DENND2B: variants seen among roughly 807,000 people sequenced by gnomAD.
The protein encoded by DENND2B is DENN domain containing 2B.
A neutral mutation model predicts 116.0 loss-of-function variants in DENND2B; 32 were observed. The observed-to-expected ratio is 0.28, with a 90% confidence interval of 0.21 to 0.37. DENND2B has a LOEUF of 0.37. Ranked by LOEUF, DENND2B falls within the 10% of genes least tolerant of loss-of-function variation. The pLI is 1.00. For missense variants in DENND2B, 1,276 were observed against 1,477.7 expected, an observed-to-expected ratio of 0.86 and a Z score of 2.24; for synonymous variants, 588 against 583.9, an observed-to-expected ratio of 1.01 and a Z score of -0.10.
intron 3 of DENND2B, among the ~76,000 whole-genome samples, chr11:8,843,900 C>T (rs543513217): frequency 6.6e-6 from 1 of 152,340 alleles, no homozygotes; most frequent in African/African-American, 2.4e-5. Context: ...TTTCTCTGGC[C>T]ATGGGCTTCC....
intron 1 of DENND2B, among the ~76,000 whole-genome samples, chr11:8,800,276 A>C (rs1413300358): frequency 6.6e-6 from 1 of 151,986 alleles, no homozygotes; most frequent in Non-Finnish European, 1.5e-5. Flanking sequence ...TCTTTTAATT[A>C]CTCCATCAGA....
chr11:8,744,493 C>A (rs1380060555), intron 2 of DENND2B, among the ~76,000 whole-genome samples: 2 of 152,060 alleles, frequency 1.3e-5, no homozygotes, highest in Non-Finnish European at 2.9e-5. Context: ...AGAGATAGTA[C>A]AAAATGAAGA....
chr11:8,772,483 C>T (rs1270470978), intron 1 of DENND2B, among the ~76,000 whole-genome samples: 4 of 151,972 alleles, frequency 2.6e-5, no homozygotes, highest in African/African-American at 9.7e-5. Context: ...TTGTAAGAAA[C>T]CCCAGTTGGT....
At chr11:8,775,939 T>A (rs1326690364) in intron 1 of DENND2B, among the ~76,000 whole-genome samples, 1 of 152,054 alleles carries the variant, frequency 6.6e-6, no homozygotes, top group African/African-American at 2.4e-5. Context: ...AGACTAAGCA[T>A]CCTGGAATGT....
At chr11:8,734,806 A>AG (rs910123700) in intron 2 of DENND2B, among the ~76,000 whole-genome samples, 2 of 151,586 alleles carry the variant, frequency 1.3e-5, no homozygotes, top group Non-Finnish European at 2.9e-5. Flanking sequence ...AAAAAAAAAA[A>AG]AAAAAGAAAG....
chr11:8,728,020 TGA>T (rs1377431553), intron 3 of DENND2B, among the ~76,000 whole-genome samples: 11 of 148,486 alleles, frequency 7.4e-5, no homozygotes, highest in Non-Finnish European at 1.3e-4. Flanking sequence ...CAAATTTTTT[TGA>T]GAGACAAGGT....
intron 2 of DENND2B, among the ~76,000 whole-genome samples, chr11:8,866,762 C>T (rs1441996223): frequency 3.9e-5 from 6 of 152,048 alleles, no homozygotes; most frequent in African/African-American, 1.4e-4. Context: ...AACTTTAACC[C>T]AGGTTTTTGT....
chr11:8,764,994 C>G (rs2055411236), intron 1 of DENND2B, among the ~76,000 whole-genome samples: 1 of 151,214 alleles, frequency 6.6e-6, no homozygotes, highest in Non-Finnish European at 1.5e-5. Flanking sequence ...AGCAGAAGGT[C>G]CAACGCCTGG....
At chr11:8,785,137 C>T (rs1204965381) in intron 1 of DENND2B, 2 of 152,138 alleles carry the variant, frequency 1.3e-5, no homozygotes, top group African/African-American at 4.8e-5. Context: ...TTAAGCCATC[C>T]TTTTACTTTT....
Position 8,745,751 on chromosome 11 carries a change from A to G in DENND2B, c.80+4870T>C, listed in dbSNP as rs544724657. ...TGGGATTCTTACTCTTGGAACCCAG[A>G]TATCATGCTATGAAGGCATGCTGCC... On this transcript the variant is annotated intron_variant, in intron 2 of 19. Transcript: ENST00000313726. 2.0e-5 allele frequency among the ~76,000 whole-genome samples: 3 copies of G among 152,354 alleles called. No individual in the cohort carries two copies. The South Asian group carries it at 6.2e-4, about 32-fold the overall frequency.
chr11:8,836,890 A>G (rs947268761), intron 4 of DENND2B, among the ~76,000 whole-genome samples: 7 of 152,004 alleles, frequency 4.6e-5, no homozygotes, highest in Non-Finnish European at 1.0e-4. Flanking sequence ...TAATTTTCGT[A>G]TTTCTTATAG....
intron 3 of DENND2B, among the ~76,000 whole-genome samples, chr11:8,856,839 G>A (rs547417845): frequency 1.3e-5 from 2 of 150,648 alleles, no homozygotes; most frequent in Admixed American, 1.3e-4. Flanking sequence ...CTGCAGCCTT[G>A]AACTCCTGGT....
intron 1 of DENND2B, among the ~76,000 whole-genome samples, chr11:8,764,196 G>C (rs929003261): frequency 6.6e-6 from 1 of 151,220 alleles, no homozygotes; most frequent in African/African-American, 2.4e-5. Flanking sequence ...CTCCAGCCTG[G>C]GCAATAGAGC....
Position 8,717,890 on chromosome 11 carries a change from C to G in DENND2B, c.1480G>C (p.Asp494His), listed in dbSNP as rs923936161. The G allele has an allele frequency of 1.2e-6, 2 of 1,608,242 alleles. No individual in the cohort carries two copies. Among genetic ancestry groups the G allele is most frequent in the African/African-American group, 2.7e-5 (2 of 74,610 alleles). The change falls in exon 5 of 20, where the codon GAT (aspartate) becomes CAT (histidine). Residue 494 changes from aspartate to histidine, a missense_variant and splice_region_variant. Asp to His is a moderately conservative substitution (Grantham distance 81). Coordinates refer to ENST00000313726, the MANE Select transcript of DENND2B (RefSeq NM_213618.2). ...TCATATGGATTCTCCTTGGGCAGAT[C>G]TCCTGCAGAGGAGGAAGAGTTAGAG... ...EENAYEDIVGDLPKENPYEDV... is the reference protein window; with the variant it reads ...EENAYEDIVGHLPKENPYEDV...
intron 3 of DENND2B, among the ~76,000 whole-genome samples, chr11:8,729,035 C>T (rs1490830551): frequency 2.6e-5 from 4 of 152,320 alleles, no homozygotes; most frequent in South Asian, 4.1e-4. Flanking sequence ...TTTGAAATTT[C>T]TTCCTTTCTG....
intron 4 of DENND2B, among the ~76,000 whole-genome samples, chr11:8,826,701 A>G (rs772582360): frequency 6.6e-6 from 1 of 152,198 alleles, no homozygotes; most frequent in Non-Finnish European, 1.5e-5. Context: ...TTTTTAAACT[A>G]TCTTCTTTTT....
chr11:8,815,796 T>C (rs537590595), intron 4 of DENND2B, among the ~76,000 whole-genome samples: 7 of 152,360 alleles, frequency 4.6e-5, no homozygotes, highest in Admixed American at 3.3e-4. Context: ...GTATCCACTT[T>C]AGTATTTCAT....
chr11:8,693,875 G>A lies in DENND2B; in HGVS notation c.*221C>T, dbSNP rs947555340. Reference sequence around the variant, plus strand: ...GCCCCTTGGGAATATACAAATATTTGCCATATTCTCTTTGCTTGTTACAAA... The same window carrying A: ...GCCCCTTGGGAATATACAAATATTTACCATATTCTCTTTGCTTGTTACAAA... On this transcript the variant is annotated 3_prime_UTR_variant, in exon 20 of 20. Coordinates refer to ENST00000313726, the MANE Select transcript of DENND2B (RefSeq NM_213618.2). 39 of 521,858 alleles carry A rather than the reference G, an allele frequency of 7.5e-5. No individual in the cohort carries two copies. The highest frequency in any genetic ancestry group is 4.6e-4 in the Admixed American group (13 of 28,470). 32.3% of individuals were successfully genotyped at this position (521,858 alleles called of 1,614,324 possible). A position where few individuals can be genotyped will look rare whatever the true frequency, so the allele number is the denominator to read the frequency against.
chr11:8,848,783 C>G (rs2062897270), intron 3 of DENND2B, among the ~76,000 whole-genome samples: 1 of 151,964 alleles, frequency 6.6e-6, no homozygotes, highest in Non-Finnish European at 1.5e-5. Context: ...GTTCTCCTGA[C>G]TTTTGTGCAT....
Sources: allele counts gnomAD v4.1 joint callset (sites outside exome capture counted in the v4.1 genomes callset), GRCh38; gene constraint gnomAD v4.1.1; transcripts MANE v1.5; gene names NCBI Gene and HGNC (gene_info 2026-07-23, HGNC 2026-07-21).